GLI2: variants seen among roughly 807,000 people sequenced by gnomAD.
GLI2 encodes GLI family zinc finger 2, also known as transcription activator GLI2.
A neutral mutation model predicts 78.9 loss-of-function variants in GLI2; 22 were observed. That is an observed-to-expected ratio of 0.28 (90% CI 0.20 to 0.40). GLI2 has a LOEUF of 0.40. Ranked by LOEUF, GLI2 falls within the 10% of genes least tolerant of loss-of-function variation. The probability of loss-of-function intolerance (pLI) is 1.00; values close to 1 mark genes in which losing one functional copy is unlikely to be tolerated. For synonymous variants in GLI2, 974 were observed against 963.7 expected (o/e 1.01, Z -0.20); for missense variants, 2,097 against 2,213.2 (o/e 0.95, Z 1.05).
intron 10 of GLI2, among the ~76,000 whole-genome samples, chr2:120,980,134 CG>C (rs1682650679): frequency 6.6e-6 from 1 of 152,116 alleles, no homozygotes; most frequent in Non-Finnish European, 1.5e-5. Flanking sequence ...ATGGACAGAA[CG>C]TTTTCACTTC....
At chr2:120,815,030 A>C (rs1196660820) in intron 2 of GLI2, among the ~76,000 whole-genome samples, 1 of 152,022 alleles carries the variant, frequency 6.6e-6, no homozygotes, top group Non-Finnish European at 1.5e-5. Context: ...AGACAGGGAG[A>C]GGTCGATGGT....
At chr2:120,879,023 C>T (rs749563587) in intron 2 of GLI2, among the ~76,000 whole-genome samples, 1 of 152,262 alleles carries the variant, frequency 6.6e-6, no homozygotes, top group East Asian at 1.9e-4. Context: ...GCTCAGTCTG[C>T]GAGCATGGAG....
rs1683065277 is a variant in GLI2 at position 120,988,096 on chromosome 2, CT to C, written c.2243-111del. On this transcript the variant is annotated intron_variant, in intron 13 of 13. Coordinates refer to ENST00000361492, the MANE Select transcript of GLI2 (RefSeq NM_001374353.1). ...AGAAAGCATGCATCTCCTGAGTGCGCTGTGTTGCAAGCCCTCTTCTCGGGCT... is the reference window on the plus strand; with the variant it reads ...AGAAAGCATGCATCTCCTGAGTGCGCGTGTTGCAAGCCCTCTTCTCGGGCT... 6 of 855,332 alleles carry C rather than the reference CT, an allele frequency of 7.0e-6. No homozygotes were observed. The South Asian group carries it at 1.1e-4, about 15-fold the overall frequency. The allele number at this position is 855,332 out of a possible 1,614,324, so 53.0% of individuals were successfully genotyped here.
intron 2 of GLI2, chr2:120,866,541 G>A (rs1184134576): frequency 6.6e-6 from 1 of 152,200 alleles, no homozygotes; most frequent in African/African-American, 2.4e-5. Flanking sequence ...GTGACAAAGA[G>A]TGATGACGAC....
At chr2:120,846,283 G>T (rs1286947356) in intron 2 of GLI2, among the ~76,000 whole-genome samples, 1 of 152,202 alleles carries the variant, frequency 6.6e-6, no homozygotes, top group Non-Finnish European at 1.5e-5. Flanking sequence ...TCTGTCTGGT[G>T]AGAGATAGGT....
At chr2:120,947,395 T>C (rs1350391831) in intron 3 of GLI2, among the ~76,000 whole-genome samples, 1 of 152,252 alleles carries the variant, frequency 6.6e-6, no homozygotes, top group East Asian at 1.9e-4. Context: ...AATATGTGCA[T>C]GTGCCCCACC....
intron 2 of GLI2, among the ~76,000 whole-genome samples, chr2:120,874,598 G>A (rs947879374): frequency 1.3e-5 from 2 of 152,210 alleles, no homozygotes; most frequent in African/African-American, 4.8e-5. Context: ...TATCATCCGT[G>A]ACCTGTAGCA....
intron 5 of GLI2, among the ~76,000 whole-genome samples, chr2:120,956,990 AC>A (rs1681300857): frequency 6.6e-6 from 1 of 151,910 alleles, no homozygotes; most frequent in Non-Finnish European, 1.5e-5. Context: ...CCCCTCAGTC[AC>A]TGGGACAGCT....
Position 120,988,653 on chromosome 2 carries a change from G to T in GLI2, c.2688G>T (p.Leu896=). The change falls in exon 14 of 14, where the codon CTG becomes CTT. Residue 896 remains leucine, a synonymous_variant. Coordinates refer to ENST00000361492, the MANE Select transcript of GLI2 (RefSeq NM_001374353.1). ...TGCCGGGCCTGGAGCGCATGAGCCT[G>T]CGGACCAGGCTGGCGCTGCTGGACG... ...TPLPGLERMS[L]RTRLALLDAP... The T allele has an allele frequency of 7.1e-7, 1 of 1,416,084 alleles. No homozygotes were observed. Among genetic ancestry groups the T allele is most frequent in the South Asian group, 1.4e-5 (1 of 72,938 alleles). The allele number at this position is 1,416,084 out of a possible 1,614,324, so 87.7% of individuals were successfully genotyped here. A position where few individuals can be genotyped will look rare whatever the true frequency, so the allele number is the denominator to read the frequency against.
At chr2:120,814,538 A>G (rs950540094) in intron 2 of GLI2, among the ~76,000 whole-genome samples, 1 of 152,194 alleles carries the variant, frequency 6.6e-6, no homozygotes, top group African/African-American at 2.4e-5. Context: ...TCCTCCGGCT[A>G]CAGACTGGCA....
At chr2:120,773,092 A>G (rs902206800) in intron 1 of GLI2, among the ~76,000 whole-genome samples, 1 of 152,184 alleles carries the variant, frequency 6.6e-6, no homozygotes, top group African/African-American at 2.4e-5. Context: ...TGTTTTCACT[A>G]TTTTGACAGT....
chr2:120,866,876 C>T (rs1003624433), intron 2 of GLI2: 1 of 152,246 alleles, frequency 6.6e-6, no homozygotes, highest in South Asian at 2.1e-4. Flanking sequence ...TTCAGGCTGG[C>T]TGGGGATGTG....
At chr2:120,847,640 T>C (rs1687185166) in intron 2 of GLI2, among the ~76,000 whole-genome samples, 1 of 143,938 alleles carries the variant, frequency 6.9e-6, no homozygotes, top group African/African-American at 2.5e-5. Flanking sequence ...GGGGGATGGA[T>C]TGGGGGATTG....
intron 3 of GLI2, among the ~76,000 whole-genome samples, chr2:120,950,043 G>A (rs1424199820): frequency 6.6e-6 from 1 of 152,178 alleles, no homozygotes; most frequent in Non-Finnish European, 1.5e-5. Context: ...TCAAAGTGTG[G>A]TTCTAACCCT....
intron 1 of GLI2, among the ~76,000 whole-genome samples, chr2:120,736,721 C>T (rs1193047913): frequency 3.9e-5 from 6 of 151,974 alleles, no homozygotes; most frequent in Admixed American, 2.0e-4. Context: ...GTACTGAGCG[C>T]GGAGGGGCTG....
chr2:120,868,017 C>G (rs1688233733), intron 2 of GLI2, among the ~76,000 whole-genome samples: 1 of 152,178 alleles, frequency 6.6e-6, no homozygotes, highest in Admixed American at 6.5e-5. Context: ...GCGTTCTTTC[C>G]TGCCCCCCCA....
In GLI2 at chr2:120,800,369, A is replaced by G. The variant is rs1282867114; in HGVS notation, c.148+2901A>G. On this transcript the variant is annotated intron_variant, in intron 2 of 13. Transcript: ENST00000361492. The surrounding 1 kb of genome is among the most constrained non-coding windows in gnomAD (Gnocchi z 4.1). ...CTCCCCTGTTGCTGCGCAGGTGACC[A>G]CTTAGAAGCCTGGCTCCTCTGAGGC... Among the ~76,000 whole-genome samples, 3 of 151,970 alleles carry G rather than the reference A, an allele frequency of 2.0e-5. No homozygotes were observed. Among genetic ancestry groups the G allele is most frequent in the African/African-American group, 4.8e-5 (2 of 41,360 alleles).
At chr2:120,775,737 G>A (rs1683657438) in intron 1 of GLI2, among the ~76,000 whole-genome samples, 3 of 152,206 alleles carry the variant, frequency 2.0e-5, no homozygotes, top group Non-Finnish European at 4.4e-5. Flanking sequence ...GTGGACTTGG[G>A]TTTGGAACAT....
chr2:120,844,610 AG>A (rs146991255), intron 2 of GLI2, among the ~76,000 whole-genome samples: 2,718 of 152,336 alleles, frequency 0.018, 90 homozygotes, highest in African/African-American at 0.062. Flanking sequence ...GATTCTTTCC[AG>A]CTCCAAAATG....
Sources: allele counts gnomAD v4.1 joint callset (sites outside exome capture counted in the v4.1 genomes callset), GRCh38; gene constraint gnomAD v4.1.1; non-coding constraint Gnocchi (gnomAD v3.1); transcripts MANE v1.5; gene names NCBI Gene and HGNC (gene_info 2026-07-23, HGNC 2026-07-21).